UNC5C: variants seen among roughly 807,000 people sequenced by gnomAD.
The protein encoded by UNC5C is netrin receptor UNC5C.
Under a neutral mutation model 99.8 loss-of-function variants are expected in UNC5C, and 47 were observed. The observed-to-expected ratio is 0.47, with a 90% CI of 0.37 to 0.60. UNC5C has a LOEUF of 0.60. UNC5C is among the 20% of genes least tolerant of loss of function. UNC5C has a pLI of 0.00. For missense variants in UNC5C, 1,062 were observed against 1,165.9 expected (o/e 0.91, Z 1.30); for synonymous variants, 487 against 452.2 (o/e 1.08, Z -0.98).
chr4:95,547,001 G>A (rs1723086894), intron 1 of UNC5C, among the ~76,000 whole-genome samples: 1 of 151,962 alleles, frequency 6.6e-6, no homozygotes, highest in Non-Finnish European at 1.5e-5. Context: ...AATTCCACAG[G>A]GAGTCGCGCG....
chr4:95,369,195 A>AT (rs1186953350), intron 1 of UNC5C, among the ~76,000 whole-genome samples: 3 of 55,080 alleles, frequency 5.4e-5, no homozygotes, highest in Non-Finnish European at 8.4e-5. Context: ...TGCAATCTCA[A>AT]TTTGGTGCTA....
chr4:95,182,775 T>C lies in UNC5C; in HGVS notation c.2451+122A>G, dbSNP rs1373861060. The C allele has an allele frequency of 3.9e-6, 4 of 1,035,258 alleles. No individual in the cohort carries two copies. The East Asian group carries it at 7.4e-5, about 19-fold the overall frequency. 64.1% of individuals were successfully genotyped at this position (1,035,258 alleles called of 1,614,324 possible). A position where few individuals can be genotyped will look rare whatever the true frequency, so the allele number is the denominator to read the frequency against. On this transcript the variant is annotated intron_variant, in intron 14 of 15. Coordinates refer to ENST00000453304, the MANE Select transcript of UNC5C (RefSeq NM_003728.4). ...AATATTATTCTATTAACAAATAGGA[T>C]CTATAGAAAGCTTTTGAGGACTTCC...
intron 1 of UNC5C, among the ~76,000 whole-genome samples, chr4:95,460,165 C>T (rs1019160357): frequency 6.9e-6 from 1 of 145,142 alleles, no homozygotes; most frequent in Non-Finnish European, 1.5e-5. Context: ...GCATTTTATG[C>T]TCTTGTTGGT....
At chr4:95,336,263 A>C (rs1351130320) in intron 1 of UNC5C, among the ~76,000 whole-genome samples, 1 of 151,890 alleles carries the variant, frequency 6.6e-6, no homozygotes, top group Non-Finnish European at 1.5e-5. Context: ...ATTAATAATA[A>C]ATGTGCTTTT....
rs79126098 is a variant in UNC5C at position 95,475,065 on chromosome 4, T to C, written c.124+73669A>G. Among the ~76,000 whole-genome samples, 871 of 152,246 alleles carry C rather than the reference T, an allele frequency of 5.7e-3. 10 individuals are homozygous for C. Among genetic ancestry groups the C allele is most frequent in the African/African-American group, 0.02 (817 of 41,570 alleles). ...AGAGCCCACTTGCCAGAGCCTGCTA[T>C]GTAGTCTAACAAGCAGCTCCATCTA... On this transcript the variant is annotated intron_variant, in intron 1 of 15. Coordinates refer to ENST00000453304, the MANE Select transcript of UNC5C (RefSeq NM_003728.4).
chr4:95,320,239 T>C (rs929318528), intron 2 of UNC5C, among the ~76,000 whole-genome samples: 9 of 151,868 alleles, frequency 5.9e-5, no homozygotes, highest in South Asian at 2.1e-4. Flanking sequence ...CTGGCCAACA[T>C]GGTAAAACCT....
At chr4:95,215,547 C>G (rs191284844) in intron 10 of UNC5C, among the ~76,000 whole-genome samples, 2 of 152,056 alleles carry the variant, frequency 1.3e-5, no homozygotes, top group East Asian at 1.9e-4. Flanking sequence ...CTAAACAAAA[C>G]CTTTTAATTC....
intron 1 of UNC5C, among the ~76,000 whole-genome samples, chr4:95,490,733 G>A (rs1040028113): frequency 1.3e-4 from 19 of 151,638 alleles, no homozygotes; most frequent in Admixed American, 5.9e-4. Context: ...AAGATAGGCC[G>A]TTAACTCTGA....
intron 4 of UNC5C, among the ~76,000 whole-genome samples, chr4:95,268,749 C>T (rs558151483): frequency 6.6e-6 from 1 of 152,276 alleles, no homozygotes; most frequent in African/African-American, 2.4e-5. Flanking sequence ...AAAAGTGAGT[C>T]CAGCAAGCAT....
At position 95,165,582 on chromosome 4, in the gene UNC5C, G is replaced by A. The variant is rs970144033; in HGVS notation, c.*3652C>T. The stretch of plus-strand genomic sequence containing the variant: ...AAGGAAACTTGAAAGAGTGTGATAA[G>A]AAGAAAATAAAAACAGGATGAAACC... On this transcript the variant is annotated 3_prime_UTR_variant, in exon 16 of 16. Transcript: ENST00000453304. The A allele has an allele frequency of 3.3e-5, 5 of 152,174 alleles. No homozygotes were observed. In the South Asian group the frequency reaches 1.0e-3, roughly 32 times the overall value. 9.4% of individuals were successfully genotyped at this position (152,174 alleles called of 1,614,324 possible). A position where few individuals can be genotyped will look rare whatever the true frequency, so the allele number is the denominator to read the frequency against.
intron 1 of UNC5C, among the ~76,000 whole-genome samples, chr4:95,537,381 C>A (rs546341457): frequency 6.6e-6 from 1 of 152,030 alleles, no homozygotes; most frequent in Non-Finnish European, 1.5e-5. Flanking sequence ...GGAAGGTCGG[C>A]GTGGAGGTTC....
chr4:95,396,499 A>C (rs1745514337), intron 1 of UNC5C, among the ~76,000 whole-genome samples: 1 of 152,118 alleles, frequency 6.6e-6, no homozygotes, highest in African/African-American at 2.4e-5. Context: ...GAGACAGACA[A>C]ATTTCTAGGC....
At chr4:95,414,512 G>T (rs1287312007) in intron 1 of UNC5C, among the ~76,000 whole-genome samples, 1 of 152,198 alleles carries the variant, frequency 6.6e-6, no homozygotes, top group Non-Finnish European at 1.5e-5. Context: ...GATGGCAAAA[G>T]CAGAGTATAA....
intron 3 of UNC5C, among the ~76,000 whole-genome samples, chr4:95,288,097 T>TATTTATTTATTTATTTA (rs59608128): frequency 6.6e-6 from 1 of 151,170 alleles, no homozygotes; most frequent in Non-Finnish European, 1.5e-5. Flanking sequence ...TTTATTTATT[T>TATTTATTTATTTATTTA]TTTGAGAGGG....
chr4:95,468,818 T>C (rs1335436638), intron 1 of UNC5C, among the ~76,000 whole-genome samples: 1 of 152,148 alleles, frequency 6.6e-6, no homozygotes, highest in South Asian at 2.1e-4. Flanking sequence ...GTTGAACTTA[T>C]GGGGTTCTGG....
intron 1 of UNC5C, among the ~76,000 whole-genome samples, chr4:95,503,813 G>A (rs931443523): frequency 6.6e-6 from 1 of 151,948 alleles, no homozygotes; most frequent in African/African-American, 2.4e-5. Context: ...CCTCATTGTT[G>A]GCTGTCAGTT....
At chr4:95,494,328 T>G (rs1180765975) in intron 1 of UNC5C, among the ~76,000 whole-genome samples, 1 of 151,538 alleles carries the variant, frequency 6.6e-6, no homozygotes, top group Non-Finnish European at 1.5e-5. Flanking sequence ...TTCAACTGGC[T>G]TATTAGTAAT....
intron 2 of UNC5C, among the ~76,000 whole-genome samples, chr4:95,330,815 A>T (rs943277643): frequency 6.6e-6 from 1 of 151,948 alleles, no homozygotes; most frequent in African/African-American, 2.4e-5. Flanking sequence ...TCCTAACTTC[A>T]TTCTTTTTAT....
At chr4:95,300,122 G>T (rs1053297621) in intron 3 of UNC5C, among the ~76,000 whole-genome samples, 5 of 152,154 alleles carry the variant, frequency 3.3e-5, no homozygotes, top group Non-Finnish European at 7.3e-5. Context: ...GATGTAAAGG[G>T]TTCAGAAAAG....
Sources: gnomAD v4.1 joint callset for allele counts (sites outside exome capture counted in the v4.1 genomes callset) on GRCh38, gnomAD v4.1.1 for gene constraint, MANE v1.5 for transcripts, NCBI Gene and HGNC (gene_info 2026-07-23, HGNC 2026-07-21) for gene names.